Variants in ADGRB3 observed in about 807,000 individuals in gnomAD.
ADGRB3 encodes the protein adhesion G protein-coupled receptor B3.
In ADGRB3, 37 loss-of-function variants were observed where a neutral mutation model predicts 193.4. That is an observed-to-expected ratio of 0.19 (90% CI 0.15 to 0.25). The LOEUF is 0.25. Ranked by LOEUF, ADGRB3 falls within the 10% of genes least tolerant of loss-of-function variation. ADGRB3 has a pLI of 1.00. For missense variants in ADGRB3, 1,637 were observed against 1,852.9 expected (o/e 0.88, Z 2.14); for synonymous variants, 690 against 644.2 (o/e 1.07, Z -1.08).
chr6:69,324,443 C>A (rs1189762896), intron 20 of ADGRB3, among the ~76,000 whole-genome samples: 1 of 151,994 alleles, frequency 6.6e-6, no homozygotes. Context: ...ATTTTAACAT[C>A]AACACAGATA....
intron 17 of ADGRB3, among the ~76,000 whole-genome samples, chr6:69,158,405 T>C (rs998897010): frequency 1.4e-5 from 2 of 146,808 alleles, no homozygotes; most frequent in African/African-American, 5.0e-5. Flanking sequence ...CATTAAGTAT[T>C]AATTTACTCA....
At chr6:69,311,806 A>G (rs935755375) in intron 20 of ADGRB3, among the ~76,000 whole-genome samples, 3 of 151,716 alleles carry the variant, frequency 2.0e-5, no homozygotes, top group Non-Finnish European at 4.4e-5. Context: ...GATGCAATCA[A>G]TTGTCTCTCA....
intron 15 of ADGRB3, among the ~76,000 whole-genome samples, chr6:69,059,525 A>G (rs1771657184): frequency 6.6e-6 from 1 of 152,170 alleles, no homozygotes; most frequent in Admixed American, 6.6e-5. Context: ...TGTTTTATAT[A>G]TCAACGAGCA....
intron 8 of ADGRB3, among the ~76,000 whole-genome samples, chr6:68,970,662 T>C (rs568647203): frequency 1.3e-5 from 2 of 152,192 alleles, no homozygotes; most frequent in Non-Finnish European, 2.9e-5. Flanking sequence ...AGCACCATGT[T>C]ACATTAACAG....
intron 17 of ADGRB3, among the ~76,000 whole-genome samples, chr6:69,223,307 C>T (rs879924846): frequency 2.0e-5 from 3 of 152,114 alleles, no homozygotes; most frequent in Non-Finnish European, 4.4e-5. Flanking sequence ...ACTCTGATAT[C>T]AAAATCACAT....
chr6:69,260,404 G>A lies in ADGRB3; in HGVS notation c.2814+21178G>A, dbSNP rs140614185. On this transcript the variant is annotated intron_variant, in intron 20 of 31. Coordinates refer to ENST00000370598, the MANE Select transcript of ADGRB3 (RefSeq NM_001704.3). ...CATTTCTTCAAGCAGTGTGAGGGAA[G>A]TGGTGTCCCTCATTGGAAGCAGAAA... is the stretch of plus-strand genomic sequence containing the variant. Among the ~76,000 whole-genome samples, 1,164 of 152,274 alleles carry A rather than the reference G, an allele frequency of 7.6e-3. 23 individuals carry two copies. The highest frequency in any genetic ancestry group is 0.026 in the African/African-American group (1,099 of 41,552).
intron 3 of ADGRB3, among the ~76,000 whole-genome samples, chr6:68,751,912 G>A (rs1466544026): frequency 1.3e-5 from 2 of 152,150 alleles, no homozygotes; most frequent in Non-Finnish European, 2.9e-5. Flanking sequence ...CCCTGAGGAT[G>A]TGATATAGTG....
chr6:69,031,440 CA>C lies in ADGRB3; in HGVS notation c.2107+12957del, dbSNP rs540284027. Among the ~76,000 whole-genome samples, 107 of 118,456 alleles carry C rather than the reference CA, an allele frequency of 9.0e-4. 1 individual carries two copies. The highest frequency in any genetic ancestry group is 6.6e-3 in the South Asian group (23 of 3,496). The allele number at this position is 118,456 out of a possible 152,430, so 77.7% of individuals were successfully genotyped here. On this transcript the variant is annotated intron_variant, in intron 13 of 31. Transcript: ENST00000370598. Reference sequence around the variant, plus strand: ...TGGGCGACAGAGCAAGACTCCATCTCAAAAAAAAAAAAAAAATTCTAGAGTT... The same window carrying C: ...TGGGCGACAGAGCAAGACTCCATCTCAAAAAAAAAAAAAAATTCTAGAGTT...
At chr6:68,990,151 T>C (rs781064811) in intron 10 of ADGRB3, among the ~76,000 whole-genome samples, 3 of 151,744 alleles carry the variant, frequency 2.0e-5, no homozygotes, top group Non-Finnish European at 4.4e-5. Flanking sequence ...GGGAAAACAA[T>C]CTAGCAGATA....
chr6:68,859,102 T>C (rs1295983179), intron 3 of ADGRB3, among the ~76,000 whole-genome samples: 1 of 152,204 alleles, frequency 6.6e-6, no homozygotes, highest in East Asian at 1.9e-4. Context: ...CCACCAGATA[T>C]ACTAAATTAT....
intron 17 of ADGRB3, among the ~76,000 whole-genome samples, chr6:69,147,969 T>A (rs12527069): frequency 0.12 from 18,831 of 152,200 alleles, 1,240 homozygotes; most frequent in Middle Eastern, 0.29. Flanking sequence ...TTTTTTAGTT[T>A]CCATTGGCAT....
At chr6:69,315,437 A>G (rs1055638648) in intron 20 of ADGRB3, among the ~76,000 whole-genome samples, 9 of 151,676 alleles carry the variant, frequency 5.9e-5, no homozygotes, top group Middle Eastern at 6.8e-3. Flanking sequence ...AATAAAAACT[A>G]TCATTTATCA....
At chr6:68,779,264 CAG>C (rs1478642961) in intron 3 of ADGRB3, among the ~76,000 whole-genome samples, 1 of 117,990 alleles carries the variant, frequency 8.5e-6, no homozygotes, top group Non-Finnish European at 1.8e-5. Context: ...GTGTGTGTAA[CAG>C]AGAAGGTAAA....
chr6:69,151,835 C>A (rs1482940939), intron 17 of ADGRB3, among the ~76,000 whole-genome samples: 1 of 152,158 alleles, frequency 6.6e-6, no homozygotes, highest in Admixed American at 6.5e-5. Flanking sequence ...TTCCTATAGT[C>A]CCCATGTGCC....
intron 5 of ADGRB3, among the ~76,000 whole-genome samples, chr6:68,939,880 T>C (rs1391352278): frequency 6.6e-6 from 1 of 152,186 alleles, no homozygotes; most frequent in Admixed American, 6.5e-5. Context: ...GTATTTGGCA[T>C]TTAATTAATG....
intron 17 of ADGRB3, among the ~76,000 whole-genome samples, chr6:69,119,300 C>A (rs1244384172): frequency 6.6e-6 from 1 of 152,086 alleles, no homozygotes; most frequent in Non-Finnish European, 1.5e-5. Context: ...ATTCATTCAG[C>A]AAATATTTCC....
chr6:68,815,775 TAAAC>T (rs965979207), intron 3 of ADGRB3, among the ~76,000 whole-genome samples: 2 of 152,112 alleles, frequency 1.3e-5, no homozygotes, highest in African/African-American at 4.8e-5. Flanking sequence ...ATATTAAAGA[TAAAC>T]AAAAATATTC....
chr6:69,282,196 G>A (rs1160097794), intron 20 of ADGRB3, among the ~76,000 whole-genome samples: 1 of 152,030 alleles, frequency 6.6e-6, no homozygotes, highest in Non-Finnish European at 1.5e-5. Flanking sequence ...ATGAATATCA[G>A]GATTTGAACG....
At chr6:69,351,246 C>A (rs1468238359) in intron 26 of ADGRB3, among the ~76,000 whole-genome samples, 1 of 151,970 alleles carries the variant, frequency 6.6e-6, no homozygotes, top group Non-Finnish European at 1.5e-5. Flanking sequence ...GCACCTGCCA[C>A]CACGCCCTGC....
Sources: gnomAD v4.1 joint callset for allele counts (sites outside exome capture counted in the v4.1 genomes callset) on GRCh38, gnomAD v4.1.1 for gene constraint, MANE v1.5 for transcripts, NCBI Gene and HGNC (gene_info 2026-07-23, HGNC 2026-07-21) for gene names.